Variants in PTPRN2 observed in about 807,000 individuals in gnomAD.
The protein encoded by PTPRN2 is receptor-type tyrosine-protein phosphatase N2.
A neutral mutation model predicts 118.8 loss-of-function variants in PTPRN2; 74 were observed. The ratio of observed to expected loss-of-function variants is 0.62; its 90% confidence interval spans 0.52 to 0.76. The LOEUF is 0.76. Among genes scored for constraint, PTPRN2 ranks in the 30% least tolerant of loss-of-function variants. The pLI, the probability that PTPRN2 is intolerant of heterozygous loss-of-function variation, is 0.00. For synonymous variants in PTPRN2, 641 were observed against 608.0 expected (o/e 1.05, Z -0.80); for missense variants, 1,481 against 1,394.4 (o/e 1.06, Z -0.99).
intron 1 of PTPRN2, 119 bp from the exon 2 acceptor site, chr7:158,489,904 C>A: frequency 1.0e-6 from 1 of 956,058 alleles, no homozygotes; most frequent in Non-Finnish European, 1.6e-6. Context: ...CAGGCTCCTC[C>A]GACCCGGCTT....
intron 3 of PTPRN2, among the ~76,000 whole-genome samples, chr7:158,224,059 G>A (rs779271895): frequency 7.2e-5 from 11 of 152,068 alleles, no homozygotes; most frequent in East Asian, 3.9e-4. Flanking sequence ...AACAAACCAC[G>A]TACAGGACCT....
chr7:157,763,625 A>C lies in PTPRN2; in HGVS notation c.1789-80688T>G, dbSNP rs1370271749. On this transcript the variant is annotated intron_variant, in intron 12 of 22. Coordinates refer to ENST00000389418, the MANE Select transcript of PTPRN2 (RefSeq NM_002847.5). The surrounding 1 kb of genome is among the most constrained non-coding windows in gnomAD (Gnocchi z 4.9). ...ACGCCCCTAACCTGACTGCAGATTA[A>C]ATTCTTCTGGAAATCTTAGCCTGCC... 1.3e-5 allele frequency among the ~76,000 whole-genome samples: 2 copies of C among 151,898 alleles called. No individual in the cohort carries two copies. The highest frequency in any genetic ancestry group is 2.9e-5 in the Non-Finnish European group (2 of 67,998).
intron 2 of PTPRN2, among the ~76,000 whole-genome samples, chr7:158,331,366 A>C (rs1239892131): frequency 1.4e-5 from 2 of 140,584 alleles, no homozygotes; most frequent in African/African-American, 5.7e-5. Context: ...ATAAGAGCTG[A>C]CACCCGCAGA....
intron 1 of PTPRN2, among the ~76,000 whole-genome samples, chr7:158,528,034 G>A (rs1207133588): frequency 3.3e-5 from 5 of 152,240 alleles, no homozygotes; most frequent in Non-Finnish European, 4.4e-5. Flanking sequence ...CGACAGGGTA[G>A]GGGGCAGGCA....
chr7:158,105,390 C>T (rs1815601605), intron 10 of PTPRN2, among the ~76,000 whole-genome samples: 1 of 151,526 alleles, frequency 6.6e-6, no homozygotes, highest in Non-Finnish European at 1.5e-5. Flanking sequence ...TCCATCCCAA[C>T]TGTGCTCAGC....
intron 3 of PTPRN2, among the ~76,000 whole-genome samples, chr7:158,226,688 TTTTC>T (rs747418685): frequency 0.29 from 24,878 of 86,888 alleles, 2,658 homozygotes; most frequent in African/African-American, 0.48. Flanking sequence ...TTTTTTTTTT[TTTTC>T]CGGTGGTATC....
chr7:158,270,832 ATGACCCCCTCACCTGGAC>A (rs1798344483), intron 3 of PTPRN2, among the ~76,000 whole-genome samples: 3 of 5,168 alleles, frequency 5.8e-4, no homozygotes, highest in Non-Finnish European at 1.1e-3. Flanking sequence ...CTCCACCTGG[ATGACCCCCTCACCTGGAC>A]CGCCCCCCCA....
chr7:157,594,097 G>A (rs1260891194), intron 17 of PTPRN2, among the ~76,000 whole-genome samples: 1 of 152,228 alleles, frequency 6.6e-6, no homozygotes, highest in Non-Finnish European at 1.5e-5. Context: ...GATGGCACCT[G>A]AGGATTCAAA....
chr7:158,554,898 C>G (rs568369257), intron 1 of PTPRN2, among the ~76,000 whole-genome samples: 1 of 152,296 alleles, frequency 6.6e-6, no homozygotes, highest in Admixed American at 6.5e-5. Context: ...CTGCCAGCAG[C>G]ACAGACAGCC....
intron 12 of PTPRN2, among the ~76,000 whole-genome samples, chr7:157,822,234 TCATC>T (rs892988049): frequency 1.3e-5 from 2 of 151,426 alleles, no homozygotes; most frequent in East Asian, 2.0e-4. Context: ...ATCTATACAC[TCATC>T]CATCCATCCA....
At chr7:157,566,554 G>C (rs1301247950) in intron 21 of PTPRN2, among the ~76,000 whole-genome samples, 1 of 152,206 alleles carries the variant, frequency 6.6e-6, no homozygotes, top group African/African-American at 2.4e-5. Flanking sequence ...ACACCCCAGG[G>C]AAAGAGGAGC....
chr7:158,251,992 A>C (rs923024941), intron 3 of PTPRN2, among the ~76,000 whole-genome samples: 2 of 152,166 alleles, frequency 1.3e-5, no homozygotes, highest in East Asian at 3.9e-4. Context: ...CCCCAGGCTC[A>C]GGGCAGGTCC....
At chr7:158,126,793 C>T (rs2150409881) in intron 9 of PTPRN2, among the ~76,000 whole-genome samples, 1 of 152,310 alleles carries the variant, frequency 6.6e-6, no homozygotes, top group African/African-American at 2.4e-5. Context: ...CTGGGGGAAC[C>T]TGCAGGGCCA....
chr7:157,607,622 A>G (rs1464140019), intron 15 of PTPRN2, among the ~76,000 whole-genome samples: 2 of 152,212 alleles, frequency 1.3e-5, no homozygotes, highest in East Asian at 1.9e-4. Flanking sequence ...TACGGAGGGC[A>G]GAGGAGGCAT....
rs73516553 is a variant in PTPRN2 at position 158,175,656 on chromosome 7, C to T, written c.550-8365G>A. 2.8e-3 allele frequency among the ~76,000 whole-genome samples: 425 copies of T among 152,210 alleles called. 2 individuals are homozygous for T. The highest frequency in any genetic ancestry group is 9.7e-3 in the African/African-American group (404 of 41,526). ...GGGAAGCAGGGGGGTCTCACACGAG[C>T]GTATACGGTGCTATCTCTGCAGCCA... is the stretch of plus-strand genomic sequence containing the variant. On this transcript the variant is annotated intron_variant, in intron 5 of 22. Coordinates refer to ENST00000389418, the MANE Select transcript of PTPRN2 (RefSeq NM_002847.5).
At chr7:158,576,040 C>A (rs1828301104) in intron 1 of PTPRN2, among the ~76,000 whole-genome samples, 1 of 152,146 alleles carries the variant, frequency 6.6e-6, no homozygotes, top group African/African-American at 2.4e-5. Context: ...AAAAAATGTT[C>A]TCTGAGTTTG....
At chr7:158,362,837 A>G (rs924710190) in intron 2 of PTPRN2, among the ~76,000 whole-genome samples, 27 of 152,274 alleles carry the variant, frequency 1.8e-4, no homozygotes, top group African/African-American at 6.5e-4. Context: ...GGGCCCAAAC[A>G]TCCCAGGGGC....
chr7:158,019,506 C>T (rs565044981), intron 11 of PTPRN2, among the ~76,000 whole-genome samples: 5 of 152,256 alleles, frequency 3.3e-5, no homozygotes, highest in African/African-American at 9.6e-5. Context: ...CACAAGGCCT[C>T]GTGATTAACT....
intron 3 of PTPRN2, among the ~76,000 whole-genome samples, chr7:158,277,980 A>G (rs1799142051): frequency 6.6e-6 from 1 of 151,868 alleles, no homozygotes; most frequent in Admixed American, 6.6e-5. Context: ...CCTGCTCCTG[A>G]CCTCCCTGAC....
Sources: allele counts gnomAD v4.1 joint callset (sites outside exome capture counted in the v4.1 genomes callset), GRCh38; gene constraint gnomAD v4.1.1; non-coding constraint Gnocchi (gnomAD v3.1); transcripts MANE v1.5; gene names NCBI Gene and HGNC (gene_info 2026-07-23, HGNC 2026-07-21).